The following KCNC1 variants were observed in gnomAD, a reference collection of about 807,000 sequenced individuals.
The protein encoded by KCNC1 is voltage-gated potassium channel KCNC1.
Under a neutral mutation model 43.4 loss-of-function variants are expected in KCNC1, and 8 were observed. That is an observed-to-expected ratio of 0.18 (90% CI 0.11 to 0.33). The LOEUF is 0.33. KCNC1 is among the 10% of genes least tolerant of loss of function. KCNC1 has a pLI of 1.00. For missense variants in KCNC1, 420 were observed against 836.0 expected (o/e 0.50, Z 6.14); for synonymous variants, 361 against 360.5 (o/e 1.00, Z -0.01).
At position 17,781,426 on chromosome 11, in the gene KCNC1, T is replaced by A. The variant is rs1849344665; in HGVS notation, c.1694-244T>A. On this transcript the variant is annotated intron_variant, in intron 3 of 3. Transcript: ENST00000265969. The surrounding 1 kb of genome is among the most constrained non-coding windows in gnomAD (Gnocchi z 5.1). ...CAGGCTAATTCTGAGCCAGAAGGCA[T>A]GCAGGTGTGTGAGTCAATGTGCAGA... The A allele has an allele frequency of 2.1e-6, 1 of 480,780 alleles. No homozygotes were observed. The highest frequency in any genetic ancestry group is 3.9e-5 in the Admixed American group (1 of 25,850). 29.8% of individuals were successfully genotyped at this position (480,780 alleles called of 1,614,324 possible). A position where few individuals can be genotyped will look rare whatever the true frequency, so the allele number is the denominator to read the frequency against.
chr11:17,774,097 G>A (rs1021744235), intron 2 of KCNC1: 1 of 985,470 alleles, frequency 1.0e-6, no homozygotes, highest in Non-Finnish European at 1.2e-6. Context: ...GCCCATGGGG[G>A]TTTCCCGGTC....
intron 1 of KCNC1, among the ~76,000 whole-genome samples, chr11:17,740,060 C>G (rs993821407): frequency 2.6e-5 from 4 of 152,182 alleles, no homozygotes; most frequent in African/African-American, 9.7e-5. Context: ...GGTGAGGTCA[C>G]CTTTCCCTGA....
rs903746311 is a variant in KCNC1 at position 17,779,765 on chromosome 11, G to A, written c.1693+121G>A. ...AGGCAGGCACACCGAGGGGGGCAAG[G>A]ATGGAGGGAATCTCCCAGGGTCGGC... On this transcript the variant is annotated intron_variant, in intron 3 of 3. Coordinates refer to ENST00000265969, the MANE Select transcript of KCNC1 (RefSeq NM_001112741.2). This position sits in a 1 kb window ranked among gnomAD's most constrained non-coding sequence, Gnocchi z 7.2. The A allele has an allele frequency of 2.6e-6, 2 of 784,168 alleles. No individual in the cohort carries two copies. The highest frequency in any genetic ancestry group is 3.6e-5 in the African/African-American group (2 of 55,816). 48.6% of individuals were successfully genotyped at this position (784,168 alleles called of 1,614,324 possible).
At chr11:17,753,019 G>T (rs1203039434) in intron 1 of KCNC1, among the ~76,000 whole-genome samples, 5 of 152,212 alleles carry the variant, frequency 3.3e-5, no homozygotes, top group African/African-American at 1.2e-4. Flanking sequence ...CTGCATAGAT[G>T]GGTGGCTGAA....
intron 1 of KCNC1, among the ~76,000 whole-genome samples, chr11:17,766,803 G>A (rs1849155281): frequency 6.6e-6 from 1 of 151,974 alleles, no homozygotes; most frequent in Non-Finnish European, 1.5e-5. Context: ...TGCAGTGGGT[G>A]GGGCTGGGTT....
In KCNC1 at chr11:17,781,896, CA is replaced by C. The variant is rs143529621; in HGVS notation, c.*165del. The C allele has an allele frequency of 2.5e-3, 1,117 of 439,306 alleles. 7 individuals carry two copies. Among genetic ancestry groups the C allele is most frequent in the African/African-American group, 0.021 (1,016 of 49,096 alleles). 27.2% of individuals were successfully genotyped at this position (439,306 alleles called of 1,614,324 possible). ...GGACGGACGTAGCTTTTTCTACGGC[CA>C]AATGGTAACTGACCGTAGAGGATTT... On this transcript the variant is annotated 3_prime_UTR_variant, in exon 4 of 4. Coordinates refer to ENST00000265969, the MANE Select transcript of KCNC1 (RefSeq NM_001112741.2). This position sits in a 1 kb window ranked among gnomAD's most constrained non-coding sequence, Gnocchi z 5.1.
At chr11:17,747,520 G>A (rs1348504448) in intron 1 of KCNC1, among the ~76,000 whole-genome samples, 1 of 152,198 alleles carries the variant, frequency 6.6e-6, no homozygotes, top group Non-Finnish European at 1.5e-5. Context: ...TCTTTAAAGG[G>A]GCTGCTCTGG....
chr11:17,781,266 A>G lies in KCNC1; in HGVS notation c.1694-404A>G, dbSNP rs566382147. On this transcript the variant is annotated intron_variant, in intron 3 of 3. Transcript: ENST00000265969. This position sits in a 1 kb window ranked among gnomAD's most constrained non-coding sequence, Gnocchi z 5.1. ...CAGCGGTAAGCACTGTCCACAGGAG[A>G]TACCCATTCCTCAGTCCCACCGAGG... 9.9e-6 allele frequency: 2 copies of G among 202,678 alleles called. No individual in the cohort carries two copies. Among genetic ancestry groups the G allele is most frequent in the Non-Finnish European group, 2.0e-5 (2 of 100,386 alleles). The allele number at this position is 202,678 out of a possible 1,614,324, so 12.6% of individuals were successfully genotyped here. A position where few individuals can be genotyped will look rare whatever the true frequency, so the allele number is the denominator to read the frequency against.
rs200058933 is a variant in KCNC1 at position 17,763,935 on chromosome 11, C to CCA, written c.571-7716_571-7715dup. Reference sequence around the variant, plus strand: ...ACACCACACATGCACATATACACGCCCACACACACACACACCCACACACAG... The same window carrying CCA: ...ACACCACACATGCACATATACACGCCCACACACACACACACACCCACACACAG... On this transcript the variant is annotated intron_variant, in intron 1 of 3. Coordinates refer to ENST00000265969, the MANE Select transcript of KCNC1 (RefSeq NM_001112741.2). Among the ~76,000 whole-genome samples the CCA allele has an allele frequency of 1.7e-3, 214 of 127,860 alleles. 6 individuals are homozygous for CCA. The highest frequency in any genetic ancestry group is 6.0e-3 in the African/African-American group (201 of 33,240). The allele number at this position is 127,860 out of a possible 152,430, so 83.9% of individuals were successfully genotyped here. A position where few individuals can be genotyped will look rare whatever the true frequency, so the allele number is the denominator to read the frequency against.
At chr11:17,760,857 C>G (rs1849069613) in intron 1 of KCNC1, among the ~76,000 whole-genome samples, 1 of 152,248 alleles carries the variant, frequency 6.6e-6, no homozygotes, top group African/African-American at 2.4e-5. Flanking sequence ...CCGCACTGGG[C>G]TGGCACGAGG....
At chr11:17,763,636 A>AC (rs142938947) in intron 1 of KCNC1, among the ~76,000 whole-genome samples, 51,463 of 78,576 alleles carry the variant, frequency 0.65, 16,865 homozygotes, top group East Asian at 0.85. Context: ...CCACACACAC[A>AC]CACCCCCACA....
At position 17,773,971 on chromosome 11, in the gene KCNC1, G is replaced by A; in HGVS notation, c.1504+1373G>A. On this transcript the variant is annotated intron_variant, in intron 2 of 3. Transcript: ENST00000265969. This position sits in a 1 kb window ranked among gnomAD's most constrained non-coding sequence, Gnocchi z 4.1. ...GTTTGGGTGGCCTCCCCCAGTGGAT[G>A]ATTGATTTTCTTCCCTGCTATCGCG... The A allele has an allele frequency of 2.0e-6, 2 of 985,504 alleles. No homozygotes were observed. Among genetic ancestry groups the A allele is most frequent in the Non-Finnish European group, 2.4e-6 (2 of 829,986 alleles). The allele number at this position is 985,504 out of a possible 1,614,324, so 61.0% of individuals were successfully genotyped here.
intron 1 of KCNC1, among the ~76,000 whole-genome samples, chr11:17,766,929 G>T (rs922312800): frequency 6.9e-6 from 1 of 144,272 alleles, no homozygotes; most frequent in Non-Finnish European, 1.5e-5. Flanking sequence ...AGACCAGCCT[G>T]ACCAACATGG....
In KCNC1 at chr11:17,779,029, G is replaced by A. The variant is rs1541407; in HGVS notation, c.1505-427G>A. On this transcript the variant is annotated intron_variant, in intron 2 of 3. Transcript: ENST00000265969. This position sits in a 1 kb window ranked among gnomAD's most constrained non-coding sequence, Gnocchi z 7.2. ...GCTCTGGTCAGCAGCAGAGGGGTCC[G>A]GAAAGGCCCCTCTCTGGACTGGAGT... The A allele has an allele frequency of 0.34, 53,542 of 157,046 alleles. 11,005 individuals carry two copies. The highest frequency in any genetic ancestry group is 0.73 in the East Asian group (3,795 of 5,198). 9.7% of individuals were successfully genotyped at this position (157,046 alleles called of 1,614,324 possible).
At chr11:17,747,934 G>C (rs564823298) in intron 1 of KCNC1, among the ~76,000 whole-genome samples, 1 of 152,032 alleles carries the variant, frequency 6.6e-6, no homozygotes. Flanking sequence ...CCACACTCCC[G>C]CTTTGCACAT....
chr11:17,754,211 GC>G (rs1315221755), intron 1 of KCNC1, among the ~76,000 whole-genome samples: 4 of 150,420 alleles, frequency 2.7e-5, no homozygotes, highest in Non-Finnish European at 5.9e-5. Flanking sequence ...CAATCACTGT[GC>G]CCACTGCCAG....
At chr11:17,752,332 C>T (rs144279685) in intron 1 of KCNC1, among the ~76,000 whole-genome samples, 17 of 152,326 alleles carry the variant, frequency 1.1e-4, no homozygotes, top group African/African-American at 3.8e-4. Context: ...TACACTGGCC[C>T]GGCGATCTCC....
chr11:17,781,642 A>C lies in KCNC1; in HGVS notation c.1694-28A>C. 6.8e-7 allele frequency: 1 copy of C among 1,480,160 alleles called. No individual in the cohort carries two copies. Among genetic ancestry groups the C allele is most frequent in the Non-Finnish European group, 9.2e-7 (1 of 1,082,512 alleles). 91.7% of individuals were successfully genotyped at this position (1,480,160 alleles called of 1,614,324 possible). A position where few individuals can be genotyped will look rare whatever the true frequency, so the allele number is the denominator to read the frequency against. On this transcript the variant is annotated intron_variant, in intron 3 of 3. Coordinates refer to ENST00000265969, the MANE Select transcript of KCNC1 (RefSeq NM_001112741.2). The surrounding 1 kb of genome is among the most constrained non-coding windows in gnomAD (Gnocchi z 5.1). The stretch of plus-strand genomic sequence containing the variant: ...ATGGGAGAGCCAAGAAGAGAAGCTC[A>C]AGTGTTAATTGTATTCTTTACATAC...
At chr11:17,760,179 C>T (rs1035937945) in intron 1 of KCNC1, among the ~76,000 whole-genome samples, 1 of 152,134 alleles carries the variant, frequency 6.6e-6, no homozygotes, top group African/African-American at 2.4e-5. Context: ...AATAGCTATA[C>T]CCCAAACCCA....
Sources: gnomAD v4.1 joint callset for allele counts (sites outside exome capture counted in the v4.1 genomes callset) on GRCh38, gnomAD v4.1.1 for gene constraint, Gnocchi (gnomAD v3.1) non-coding constraint, MANE v1.5 for transcripts, NCBI Gene and HGNC (gene_info 2026-07-23, HGNC 2026-07-21) for gene names.